Variants in BPTF observed in about 807,000 individuals in gnomAD.
BPTF encodes nucleosome-remodeling factor subunit BPTF.
In BPTF, 18 loss-of-function variants were observed where a neutral mutation model predicts 292.5. The observed-to-expected ratio is 0.06, with a 90% CI of 0.04 to 0.09. The LOEUF (loss-of-function observed/expected upper bound fraction) is 0.09, where lower values mean the gene tolerates loss of function less well. Among genes scored for constraint, BPTF ranks in the 10% least tolerant of loss-of-function variants. The pLI, the probability that BPTF is intolerant of heterozygous loss-of-function variation, is 1.00. For missense variants in BPTF, 2,726 were observed against 3,498.7 expected (o/e 0.78, Z 5.57); for synonymous variants, 1,225 against 1,251.9 (o/e 0.98, Z 0.45).
In BPTF at chr17:67,912,496, A is replaced by T. The variant is rs1283403764; in HGVS notation, c.4612A>T (p.Thr1538Ser). The T allele has an allele frequency of 3.7e-6, 6 of 1,613,934 alleles. No individual in the cohort carries two copies. The Middle Eastern group carries it at 4.9e-4, about 133-fold the overall frequency. The change falls in exon 11 of 28, where the codon ACC becomes TCC. Residue 1538 changes from threonine to serine, a missense_variant. Physicochemically the swap from Thr to Ser is moderately conservative, Grantham distance 58. Coordinates refer to ENST00000306378, the MANE Select transcript of BPTF (RefSeq NM_182641.4). The stretch of plus-strand genomic sequence containing the variant: ...TCAGGTAGAAGATATGGAAATAGAA[A>T]CCTCAGAAGTTAAGAAAGTTACTTC... ...VNQVEDMEIETSEVKKVTSSP... is the reference protein window; with the variant it reads ...VNQVEDMEIESSEVKKVTSSP...
At position 67,975,805 on chromosome 17, in the gene BPTF, G is replaced by A; in HGVS notation, c.8573G>A (p.Arg2858Gln). 1.2e-6 allele frequency: 2 copies of A among 1,613,844 alleles called. No individual in the cohort carries two copies. The highest frequency in any genetic ancestry group is 1.3e-5 in the African/African-American group (1 of 75,014). ...LATMEERVQRRYYEKLTEFVA... is the reference protein window; with the variant it reads ...LATMEERVQRQYYEKLTEFVA... The stretch of plus-strand genomic sequence containing the variant: ...ACCATGGAAGAAAGAGTACAAAGAC[G>A]ATATTATGAAAAGCTGACGGAATTT... The change falls in exon 27 of 28, where the codon CGA (arginine) becomes CAA (glutamine). Residue 2858 changes from arginine (R) to glutamine (Q), a missense_variant. Arg to Gln is a conservative substitution (Grantham distance 43, BLOSUM62 1). Coordinates refer to ENST00000306378, the MANE Select transcript of BPTF (RefSeq NM_182641.4).
chr17:67,963,765 A>C (rs572224225), intron 24 of BPTF, among the ~76,000 whole-genome samples: 1 of 152,326 alleles, frequency 6.6e-6, no homozygotes, highest in East Asian at 1.9e-4. Flanking sequence ...GTAACATAGA[A>C]ATTAATGAGA....
intron 1 of BPTF, among the ~76,000 whole-genome samples, chr17:67,826,829 G>A (rs562717611): frequency 6.6e-6 from 1 of 152,194 alleles, no homozygotes; most frequent in South Asian, 2.1e-4. Flanking sequence ...GACAGATTGT[G>A]GTACACAAAC....
intron 4 of BPTF, chr17:67,886,070 C>A (rs533335701): frequency 7.8e-7 from 1 of 1,275,546 alleles, no homozygotes; most frequent in Non-Finnish European, 1.1e-6. Flanking sequence ...TCTTTTCTGA[C>A]AATTCGTCAT....
chr17:67,858,404 A>C (rs1357333241), intron 2 of BPTF, among the ~76,000 whole-genome samples: 1 of 152,216 alleles, frequency 6.6e-6, no homozygotes, highest in Non-Finnish European at 1.5e-5. Flanking sequence ...CAAATGGTGA[A>C]ATAACTGTAA....
chr17:67,909,538 T>C, intron 9 of BPTF, 44 bp from the exon 10 acceptor site: 1 of 1,335,338 alleles, frequency 7.5e-7, no homozygotes, highest in African/African-American at 1.5e-5. Context: ...AAAGTGCTAA[T>C]ACTCTGGAAA....
At chr17:67,861,057 CA>C (rs1306191685) in intron 2 of BPTF, among the ~76,000 whole-genome samples, 1 of 152,204 alleles carries the variant, frequency 6.6e-6, no homozygotes, top group Non-Finnish European at 1.5e-5. Context: ...GCAGGCACCT[CA>C]AACGTGTTTA....
intron 21 of BPTF, among the ~76,000 whole-genome samples, 185 bp downstream of exon 21, chr17:67,946,510 A>G (rs146572674): frequency 6.6e-6 from 1 of 152,366 alleles, no homozygotes; most frequent in Non-Finnish European, 1.5e-5. Context: ...ACACTTCGTT[A>G]GATACATATA....
chr17:67,933,952 G>A (rs59839937), intron 18 of BPTF, among the ~76,000 whole-genome samples: 2,606 of 152,094 alleles, frequency 0.017, 65 homozygotes, highest in African/African-American at 0.055. Flanking sequence ...GCTGAGGCAA[G>A]AGAATTGCTC....
intron 2 of BPTF, among the ~76,000 whole-genome samples, chr17:67,863,886 A>G (rs961276337): frequency 2.0e-5 from 3 of 152,232 alleles, no homozygotes; most frequent in African/African-American, 4.8e-5. Context: ...AGCCTAGGTA[A>G]AAGTCAAAGA....
At chr17:67,866,949 C>T (rs2059423953) in intron 3 of BPTF, among the ~76,000 whole-genome samples, 1 of 152,204 alleles carries the variant, frequency 6.6e-6, no homozygotes, top group Non-Finnish European at 1.5e-5. Flanking sequence ...CGTCATGTGA[C>T]TGTACTGAAT....
Position 67,912,263 on chromosome 17 carries a change from C to T in BPTF, c.4379C>T (p.Ser1460Phe). 1 of 1,612,256 alleles carries T rather than the reference C, an allele frequency of 6.2e-7. No homozygotes were observed. The change falls in exon 11 of 28, where the codon TCT (serine) becomes TTT (phenylalanine). Residue 1460 changes from serine (S) to phenylalanine (F), a missense_variant. Physicochemically the swap from Ser to Phe is radical, Grantham distance 155. Transcript: ENST00000306378. ...ATTAAATCATTGACTGTTAAAGAAT[C>T]TGCTATAAGGCCATTCATTAATGGT... ...NDIKSLTVKE[S>F]AIRPFINGDV...
intron 16 of BPTF, 176 bp from the exon 17 acceptor site, chr17:67,929,160 C>T (rs1240904955): frequency 2.8e-5 from 38 of 1,381,624 alleles, no homozygotes; most frequent in Non-Finnish European, 3.0e-5. Context: ...TTTGCCAGAT[C>T]ATACTGTTGC....
chr17:67,984,153 A>G lies in BPTF; in HGVS notation c.*1865A>G, dbSNP rs1599109066. 1 of 152,694 alleles carries G rather than the reference A, an allele frequency of 6.5e-6. No homozygotes were observed. The highest frequency in any genetic ancestry group is 1.5e-5 in the Non-Finnish European group (1 of 68,018). 9.5% of individuals were successfully genotyped at this position (152,694 alleles called of 1,614,324 possible). ...ATTCTACATTTTAATGAGTTATAAA[A>G]TTATTCTGCATCTCATCACGTCACA... On this transcript the variant is annotated 3_prime_UTR_variant, in exon 28 of 28. Transcript: ENST00000306378.
At chr17:67,929,764 G>A (rs2064204467) in intron 17 of BPTF, among the ~76,000 whole-genome samples, 1 of 152,204 alleles carries the variant, frequency 6.6e-6, no homozygotes, top group African/African-American at 2.4e-5. Flanking sequence ...ATGTAAAACA[G>A]TGGACAGCAC....
intron 14 of BPTF, 107 bp from the exon 15 acceptor site, chr17:67,924,437 GATA>G: frequency 9.0e-7 from 1 of 1,108,952 alleles, no homozygotes; most frequent in Non-Finnish European, 1.3e-6. Context: ...TTTAAATTGA[GATA>G]ATATCATACC....
In BPTF at chr17:67,912,611, A is replaced by G. The variant is rs767024419; in HGVS notation, c.4727A>G (p.Asn1576Ser). Residue 1576 changes from asparagine to serine, a missense_variant, in exon 11 of 28, where the codon AAT becomes AGT. By Grantham distance (46) the Asn-to-Ser change is conservative. Coordinates refer to ENST00000306378, the MANE Select transcript of BPTF (RefSeq NM_182641.4). ...CCCATCAACAAAAATGAAAATGTCAATGGAGAATCTAAAAGAAAAACCGTC... is the reference window on the plus strand; with the variant it reads ...CCCATCAACAAAAATGAAAATGTCAGTGGAGAATCTAAAAGAAAAACCGTC... ...GLPINKNENV[N>S]GESKRKTVIT... 107 of 1,613,174 alleles carry G rather than the reference A, an allele frequency of 6.6e-5. No individual in the cohort carries two copies. The highest frequency in any genetic ancestry group is 8.2e-5 in the Non-Finnish European group (97 of 1,179,898).
At chr17:67,949,036 G>C (rs2066031978) in intron 23 of BPTF, among the ~76,000 whole-genome samples, 1 of 152,096 alleles carries the variant, frequency 6.6e-6, no homozygotes, top group Non-Finnish European at 1.5e-5. Context: ...CGATTCTGTA[G>C]GTATTGCTAA....
chr17:67,848,425 C>A (rs991880788), intron 1 of BPTF, among the ~76,000 whole-genome samples: 2 of 152,096 alleles, frequency 1.3e-5, no homozygotes, highest in African/African-American at 4.8e-5. Context: ...ATTGTGCTCA[C>A]GCTGTCATGG....
Sources: allele counts gnomAD v4.1 joint callset (sites outside exome capture counted in the v4.1 genomes callset), GRCh38; gene constraint gnomAD v4.1.1; transcripts MANE v1.5; gene names NCBI Gene and HGNC (gene_info 2026-07-23, HGNC 2026-07-21).